The following PDE4D variants were observed in gnomAD, a reference collection of about 807,000 sequenced individuals.
PDE4D encodes phosphodiesterase 4D.
A neutral mutation model predicts 87.4 loss-of-function variants in PDE4D; 24 were observed. The observed-to-expected ratio is 0.27, with a 90% CI of 0.20 to 0.39. The LOEUF (loss-of-function observed/expected upper bound fraction) is 0.39, where lower values mean the gene tolerates loss of function less well. Among genes scored for constraint, PDE4D ranks in the 10% least tolerant of loss-of-function variants. The probability of loss-of-function intolerance (pLI) is 1.00; values close to 1 mark genes in which losing one functional copy is unlikely to be tolerated. For missense variants in PDE4D, 714 were observed against 1,041.0 expected (o/e 0.69, Z 4.32); for synonymous variants, 384 against 383.2 (o/e 1.00, Z -0.02).
chr5:59,655,680 T>A (rs57560921), intron 1 of PDE4D, among the ~76,000 whole-genome samples: 1 of 152,086 alleles, frequency 6.6e-6, no homozygotes, highest in East Asian at 1.9e-4. Flanking sequence ...TGTTGATAAG[T>A]GGAAAAGAGG....
At chr5:59,188,901 A>G (rs942134635) in intron 3 of PDE4D, among the ~76,000 whole-genome samples, 1 of 152,198 alleles carries the variant, frequency 6.6e-6, no homozygotes, top group Admixed American at 6.6e-5. Flanking sequence ...TGTCCAGAAG[A>G]TAGTAGTTGT....
upstream of PDE4D, among the ~76,000 whole-genome samples, chr5:59,894,583 A>G (rs747625568): frequency 2.0e-5 from 3 of 152,290 alleles, no homozygotes; most frequent in Admixed American, 6.5e-5. Flanking sequence ...TTAGTTGCAG[A>G]GCCATGGCTG....
At chr5:59,585,144 GTAGA>G (rs764333182) in intron 1 of PDE4D, among the ~76,000 whole-genome samples, 9 of 152,098 alleles carry the variant, frequency 5.9e-5, no homozygotes, top group Non-Finnish European at 8.8e-5. Flanking sequence ...AGCAAAAAAG[GTAGA>G]TACGCCACAG....
At chr5:59,323,849 A>G (rs933059132) in intron 1 of PDE4D, among the ~76,000 whole-genome samples, 10 of 152,030 alleles carry the variant, frequency 6.6e-5, no homozygotes, top group African/African-American at 2.4e-4. Flanking sequence ...CTGGCTCCCC[A>G]CTGCAGCAGA....
At chr5:60,101,452 T>C (rs1332676942) in intron 2 of PDE4D, among the ~76,000 whole-genome samples, 1 of 152,150 alleles carries the variant, frequency 6.6e-6, no homozygotes, top group Non-Finnish European at 1.5e-5. Flanking sequence ...TGCTCTAGTC[T>C]AACATCGTTT....
intron 1 of PDE4D, among the ~76,000 whole-genome samples, chr5:60,245,035 A>G (rs1747592188): frequency 6.6e-6 from 1 of 152,062 alleles, no homozygotes; most frequent in Non-Finnish European, 1.5e-5. Context: ...AAATATTTGC[A>G]AACTATCCAT....
At chr5:60,446,931 TG>T (rs1745688542) in intron 1 of PDE4D, among the ~76,000 whole-genome samples, 1 of 151,984 alleles carries the variant, frequency 6.6e-6, no homozygotes, top group African/African-American at 2.4e-5. Context: ...AAGAGATTTG[TG>T]GGGGGCGCTG....
Position 59,697,173 on chromosome 5 carries a change from T to C in PDE4D, c.455+195995A>G, listed in dbSNP as rs1751906010. Among the ~76,000 whole-genome samples, 6 of 152,330 alleles carry C rather than the reference T, an allele frequency of 3.9e-5. No individual in the cohort carries two copies. The South Asian group carries it at 1.2e-3, about 32-fold the overall frequency. Reference sequence around the variant, plus strand: ...CCACACTGAGCAGACTGAATAAAGTTATTCATCCATTGAATCAGCATTTAC... The same window carrying C: ...CCACACTGAGCAGACTGAATAAAGTCATTCATCCATTGAATCAGCATTTAC... On this transcript the variant is annotated intron_variant, in intron 1 of 14. Coordinates refer to ENST00000340635, the MANE Select transcript of PDE4D (RefSeq NM_001104631.2).
chr5:60,009,406 A>G (rs1764798871), intron 2 of PDE4D, among the ~76,000 whole-genome samples: 2 of 152,010 alleles, frequency 1.3e-5, no homozygotes, highest in Admixed American at 6.6e-5. Context: ...TTCAATAATT[A>G]TTTATCGAGT....
Position 59,009,541 on chromosome 5 carries a change from T to C in PDE4D, c.922-16076A>G, listed in dbSNP as rs138921273. ...GGCTATATCTTTAATGTATTATTCA[T>C]TCTGGCAAGGCAAAACCATAGGGAC... On this transcript the variant is annotated intron_variant, in intron 6 of 14. Transcript: ENST00000340635. 1.6e-3 allele frequency among the ~76,000 whole-genome samples: 239 copies of C among 152,282 alleles called. 2 individuals are homozygous for C. The highest frequency in any genetic ancestry group is 5.5e-3 in the African/African-American group (228 of 41,576).
chr5:59,097,366 G>A (rs773039526), intron 5 of PDE4D, among the ~76,000 whole-genome samples: 71 of 152,240 alleles, frequency 4.7e-4, no homozygotes, highest in Non-Finnish European at 9.0e-4. Flanking sequence ...AGTACAATAC[G>A]AAGTTTCAGA....
chr5:59,172,165 A>C lies in PDE4D; in HGVS notation c.808+8430T>G, dbSNP rs1302912741. Reference sequence around the variant, plus strand: ...TATATAATATTATATATATTTATATAATATATGTATATAATATATAATACA... The same window carrying C: ...TATATAATATTATATATATTTATATCATATATGTATATAATATATAATACA... On this transcript the variant is annotated intron_variant, in intron 5 of 14. Coordinates refer to ENST00000340635, the MANE Select transcript of PDE4D (RefSeq NM_001104631.2). Among the ~76,000 whole-genome samples, 925 of 103,918 alleles carry C rather than the reference A, an allele frequency of 8.9e-3. 6 individuals carry two copies. Among genetic ancestry groups the C allele is most frequent in the Non-Finnish European group, 0.013 (765 of 57,858 alleles). The allele number at this position is 103,918 out of a possible 152,430, so 68.2% of individuals were successfully genotyped here. A position where few individuals can be genotyped will look rare whatever the true frequency, so the allele number is the denominator to read the frequency against.
At chr5:60,476,441 A>T (rs967249997) in intron 1 of PDE4D, among the ~76,000 whole-genome samples, 1 of 152,116 alleles carries the variant, frequency 6.6e-6, no homozygotes, top group Non-Finnish European at 1.5e-5. Context: ...TGACTGTCAT[A>T]GCCTCCCAAC....
At chr5:60,520,943 G>T (rs1751012574) in intron 1 of PDE4D, 1 of 152,496 alleles carries the variant, frequency 6.6e-6, no homozygotes. Context: ...GTCCTAATCT[G>T]CACTCATTCC....
In PDE4D at chr5:59,538,112, C is replaced by T. The variant is rs1352632371; in HGVS notation, c.456-322144G>A. On this transcript the variant is annotated intron_variant, in intron 1 of 14. Coordinates refer to ENST00000340635, the MANE Select transcript of PDE4D (RefSeq NM_001104631.2). ...AGGTTTCACTGAGTAAACTAAGTTG[C>T]TTTCTAGGATTTTGTGCAGAAAAAT... Among the ~76,000 whole-genome samples the T allele has an allele frequency of 2.0e-5, 3 of 152,124 alleles. No individual in the cohort carries two copies. In the East Asian group the frequency reaches 5.8e-4, roughly 29 times the overall value.
intron 6 of PDE4D, chr5:58,999,551 A>ATT: frequency 8.9e-7 from 1 of 1,118,060 alleles, no homozygotes; most frequent in East Asian, 2.9e-5. Flanking sequence ...GATTGATTAT[A>ATT]TGTATATATA....
chr5:59,445,728 T>C (rs1798247593), intron 1 of PDE4D, among the ~76,000 whole-genome samples: 1 of 152,232 alleles, frequency 6.6e-6, no homozygotes, highest in Non-Finnish European at 1.5e-5. Flanking sequence ...AATTATGTCA[T>C]GTTGCTTATA....
intron 1 of PDE4D, among the ~76,000 whole-genome samples, chr5:60,368,189 G>A (rs543415511): frequency 4.6e-5 from 7 of 152,190 alleles, no homozygotes; most frequent in East Asian, 1.9e-4. Context: ...AGGAAAAGTC[G>A]TACCCTCCTC....
At chr5:59,878,653 T>A (rs543482572) in intron 1 of PDE4D, among the ~76,000 whole-genome samples, 14 of 152,146 alleles carry the variant, frequency 9.2e-5, no homozygotes, top group Non-Finnish European at 2.9e-5. Flanking sequence ...ACATGTAATT[T>A]AAAAATTATT....
Sources: gnomAD v4.1 joint callset for allele counts (sites outside exome capture counted in the v4.1 genomes callset) on GRCh38, gnomAD v4.1.1 for gene constraint, MANE v1.5 for transcripts, NCBI Gene and HGNC (gene_info 2026-07-23, HGNC 2026-07-21) for gene names.